Variants in CNTNAP2 observed in about 807,000 individuals in gnomAD.
The protein encoded by CNTNAP2 is contactin-associated protein-like 2.
A neutral mutation model predicts 155.2 loss-of-function variants in CNTNAP2; 98 were observed. The ratio of observed to expected loss-of-function variants is 0.63; its 90% CI spans 0.54 to 0.75. CNTNAP2 has a LOEUF of 0.75. Among genes scored for constraint, CNTNAP2 ranks in the 30% least tolerant of loss-of-function variants. CNTNAP2 has a pLI of 0.00. For synonymous variants in CNTNAP2, 651 were observed against 631.2 expected (o/e 1.03, Z -0.47); for missense variants, 1,727 against 1,688.1 (o/e 1.02, Z -0.40).
intron 3 of CNTNAP2, among the ~76,000 whole-genome samples, chr7:146,932,931 T>A (rs1796810551): frequency 1.3e-5 from 2 of 151,970 alleles, no homozygotes; most frequent in Non-Finnish European, 2.9e-5. Context: ...CTCAATGAAA[T>A]AAAACAGGAT....
chr7:148,355,336 A>C (rs569005863), intron 21 of CNTNAP2, among the ~76,000 whole-genome samples: 1 of 151,434 alleles, frequency 6.6e-6, no homozygotes, highest in South Asian at 2.1e-4. Context: ...CTTTGTGGAC[A>C]CTCATTGCCC....
At chr7:147,045,664 A>G (rs35196610) in intron 4 of CNTNAP2, among the ~76,000 whole-genome samples, 215 of 152,296 alleles carry the variant, frequency 1.4e-3, no homozygotes, top group Non-Finnish European at 2.7e-3. Context: ...TGTGGTCTAG[A>G]CATTCATGAA....
chr7:146,414,637 G>T (rs977660860), intron 1 of CNTNAP2, among the ~76,000 whole-genome samples: 3 of 152,118 alleles, frequency 2.0e-5, no homozygotes, highest in Non-Finnish European at 4.4e-5. Flanking sequence ...TCTATAAGGG[G>T]TGACTGAAGG....
At chr7:147,238,043 C>T (rs1381598162) in intron 8 of CNTNAP2, among the ~76,000 whole-genome samples, 2 of 152,184 alleles carry the variant, frequency 1.3e-5, no homozygotes, top group East Asian at 3.9e-4. Context: ...GAGACGGAGT[C>T]TCGCTCTGTC....
intron 1 of CNTNAP2, among the ~76,000 whole-genome samples, chr7:146,205,806 A>G (rs1235876443): frequency 6.6e-6 from 1 of 151,890 alleles, no homozygotes; most frequent in African/African-American, 2.4e-5. Flanking sequence ...GAGTGAAAAT[A>G]TGTTTTAGGA....
chr7:146,531,695 C>G (rs1017018809), intron 1 of CNTNAP2, among the ~76,000 whole-genome samples: 3 of 152,052 alleles, frequency 2.0e-5, no homozygotes, highest in African/African-American at 7.2e-5. Context: ...CAGGCACACA[C>G]CCCCACGCCC....
intron 11 of CNTNAP2, among the ~76,000 whole-genome samples, chr7:147,547,765 C>A (rs2116758295): frequency 6.6e-6 from 1 of 152,134 alleles, no homozygotes; most frequent in South Asian, 2.1e-4. Context: ...CTGCACCCCA[C>A]ACACCCCAAC....
intron 15 of CNTNAP2, among the ~76,000 whole-genome samples, chr7:148,046,537 C>A (rs1441514381): frequency 1.3e-5 from 2 of 152,092 alleles, no homozygotes; most frequent in African/African-American, 4.8e-5. Context: ...TATCTGTTTT[C>A]CGAGTTAGAC....
chr7:146,153,638 G>A (rs574339497), intron 1 of CNTNAP2, among the ~76,000 whole-genome samples: 3 of 152,024 alleles, frequency 2.0e-5, no homozygotes, highest in Non-Finnish European at 4.4e-5. Flanking sequence ...GCCTAATGAA[G>A]GAAAGAAACT....
chr7:148,122,507 G>A (rs959518392), intron 16 of CNTNAP2, among the ~76,000 whole-genome samples: 1 of 152,158 alleles, frequency 6.6e-6, no homozygotes, highest in South Asian at 2.1e-4. Flanking sequence ...AGACTGAACC[G>A]AAGGACCCAG....
intron 3 of CNTNAP2, among the ~76,000 whole-genome samples, chr7:146,958,674 A>G (rs1797491854): frequency 6.6e-6 from 1 of 151,930 alleles, no homozygotes; most frequent in Admixed American, 6.6e-5. Context: ...CGGCCTCCCA[A>G]AGTGCTGGGA....
intron 3 of CNTNAP2, among the ~76,000 whole-genome samples, chr7:147,028,649 C>T (rs1225532493): frequency 2.0e-5 from 3 of 152,134 alleles, no homozygotes; most frequent in Non-Finnish European, 2.9e-5. Flanking sequence ...TTTATTAATC[C>T]GTTTGTCAGT....
chr7:146,340,148 G>T (rs1170977103), intron 1 of CNTNAP2, among the ~76,000 whole-genome samples: 3 of 123,858 alleles, frequency 2.4e-5, no homozygotes, highest in African/African-American at 9.6e-5. Flanking sequence ...CAGCCTGGGC[G>T]ATAGAGCGAG....
intron 8 of CNTNAP2, among the ~76,000 whole-genome samples, chr7:147,217,781 T>C (rs1371140269): frequency 1.3e-5 from 2 of 151,834 alleles, no homozygotes; most frequent in Non-Finnish European, 2.9e-5. Flanking sequence ...GACCTGATGC[T>C]TTCTGTTTTG....
At chr7:147,020,106 G>A (rs1485729909) in intron 3 of CNTNAP2, among the ~76,000 whole-genome samples, 2 of 152,012 alleles carry the variant, frequency 1.3e-5, no homozygotes, top group South Asian at 2.1e-4. Context: ...AATACATAAT[G>A]TTTGTAGGTG....
At chr7:146,246,140 G>GT (rs199521421) in intron 1 of CNTNAP2, among the ~76,000 whole-genome samples, 3,205 of 151,810 alleles carry the variant, frequency 0.021, 108 homozygotes, top group African/African-American at 0.074. Flanking sequence ...TTGGCATTGA[G>GT]TGGGGTAAGG....
chr7:148,415,977 C>T lies in CNTNAP2; in HGVS notation c.*361C>T, dbSNP rs1799978998. On this transcript the variant is annotated 3_prime_UTR_variant, in exon 24 of 24. Coordinates refer to ENST00000361727, the MANE Select transcript of CNTNAP2 (RefSeq NM_014141.6). ...CAAGTTTTCTACGTTTTTAAGAGCC[C>T]TTAGAACGTGGGTATTTTTTTTCTT... 3.6e-6 allele frequency: 1 copy of T among 275,228 alleles called. No individual in the cohort carries two copies. Among genetic ancestry groups the T allele is most frequent in the Non-Finnish European group, 6.8e-6 (1 of 146,828 alleles). The allele number at this position is 275,228 out of a possible 1,614,324, so 17.0% of individuals were successfully genotyped here. A position where few individuals can be genotyped will look rare whatever the true frequency, so the allele number is the denominator to read the frequency against.
chr7:146,510,151 C>T (rs1797445117), intron 1 of CNTNAP2, among the ~76,000 whole-genome samples: 1 of 152,190 alleles, frequency 6.6e-6, no homozygotes, highest in African/African-American at 2.4e-5. Flanking sequence ...TGGGACATGG[C>T]TTTATTCTCT....
chr7:148,163,204 T>C (rs1318023777), intron 17 of CNTNAP2, among the ~76,000 whole-genome samples: 1 of 152,162 alleles, frequency 6.6e-6, no homozygotes, highest in East Asian at 1.9e-4. Flanking sequence ...TTAAAAGCTA[T>C]CCAGCCTGGG....
Sources: allele counts gnomAD v4.1 joint callset (sites outside exome capture counted in the v4.1 genomes callset), GRCh38; gene constraint gnomAD v4.1.1; transcripts MANE v1.5; gene names NCBI Gene and HGNC (gene_info 2026-07-23, HGNC 2026-07-21).